Variants in EFS observed in about 807,000 individuals in gnomAD.
The protein encoded by EFS is embryonal Fyn-associated substrate.
In EFS, 34 loss-of-function variants were observed where a neutral mutation model predicts 42.2. The observed-to-expected ratio is 0.81, with a 90% CI of 0.61 to 1.07. The LOEUF is 1.07. EFS is among the 50% of genes least tolerant of loss of function. The probability of loss-of-function intolerance (pLI) is 0.00; values close to 1 mark genes in which losing one functional copy is unlikely to be tolerated. For missense variants in EFS, 717 were observed against 729.4 expected, an observed-to-expected ratio of 0.98 and a Z score of 0.20; for synonymous variants, 299 against 320.7, an observed-to-expected ratio of 0.93 and a Z score of 0.72.
At chr14:23,364,778 A>AG (rs1460345173) in intron 1 of EFS, among the ~76,000 whole-genome samples, 1 of 151,916 alleles carries the variant, frequency 6.6e-6, no homozygotes, top group Non-Finnish European at 1.5e-5. Context: ...AGGAAGAAAA[A>AG]GGAGAATGGG....
intron 5 of EFS, among the ~76,000 whole-genome samples, 183 bp downstream of exon 5, chr14:23,358,693 C>T (rs867115898): frequency 1.1e-4 from 17 of 152,234 alleles, no homozygotes; most frequent in Non-Finnish European, 2.2e-4. Flanking sequence ...TCCTAACATC[C>T]TCTTCCAAGG....
At chr14:23,359,048 AC>A in intron 4 of EFS, 83 bp from the exon 5 acceptor site, 3 of 1,302,658 alleles carry the variant, frequency 2.3e-6, no homozygotes, top group Middle Eastern at 2.2e-4. Context: ...CCTTCCCCGG[AC>A]CCCCTTCCTT....
chr14:23,360,527 T>C (rs376384847), intron 2 of EFS, 28 bp downstream of exon 2: 28 of 1,521,284 alleles, frequency 1.8e-5, no homozygotes, highest in Non-Finnish European at 2.4e-5. Context: ...CTCTTCTGGC[T>C]TGGGGTTGGG....
chr14:23,363,816 C>T (rs1459451404), intron 1 of EFS, among the ~76,000 whole-genome samples: 1 of 152,028 alleles, frequency 6.6e-6, no homozygotes, highest in Admixed American at 6.6e-5. Flanking sequence ...TGCTTGTAGT[C>T]CCAGCTACTC....
chr14:23,357,491 C>T lies in EFS; in HGVS notation c.1421G>A (p.Ser474Asn), dbSNP rs1889962114. Residue 474 changes from serine to asparagine, a missense_variant, in exon 6 of 6, where the codon AGC (serine) becomes AAC (asparagine). Ser to Asn is a conservative substitution (Grantham distance 46). Transcript: ENST00000216733. ...ATGAGCAGCCACCACCACCCTCTTG[C>T]TGTGGGGCACGAAAAGGCGCGGGGG... is the stretch of plus-strand genomic sequence containing the variant. ...NQPPRLFVPH[S>N]KRVVVAAHRL... 6.2e-7 allele frequency: 1 copy of T among 1,614,018 alleles called. No individual in the cohort carries two copies. Among genetic ancestry groups the T allele is most frequent in the Non-Finnish European group, 8.5e-7 (1 of 1,179,998 alleles).
chr14:23,360,103 T>C (rs1226691126), intron 3 of EFS, 38 bp downstream of exon 3: 1 of 1,614,072 alleles, frequency 6.2e-7, no homozygotes. Flanking sequence ...GGGCCATTTG[T>C]CTCCCACCCA....
intron 5 of EFS, among the ~76,000 whole-genome samples, chr14:23,358,399 T>C (rs1008233): frequency 0.15 from 23,134 of 152,256 alleles, 2,167 homozygotes; most frequent in African/African-American, 0.26. Context: ...AAATACCTGA[T>C]AAATGGTAGC....
chr14:23,360,271 A>G lies in EFS; in HGVS notation c.308T>C (p.Val103Ala). The change falls in exon 3 of 6, where the codon GTG (valine) becomes GCG (alanine). Residue 103 changes from valine (V) to alanine (A), a missense_variant. Transcript: ENST00000216733. ...TGGACAGGGCCGAGCTGGGGGCGGC[A>G]CCACATACACCTGAGGGATCAAATA... ...HSNEDQEVYV[V>A]PPPARPCPTS... The G allele has an allele frequency of 6.2e-7, 1 of 1,611,826 alleles. No individual in the cohort carries two copies. The highest frequency in any genetic ancestry group is 8.5e-7 in the Non-Finnish European group (1 of 1,178,902).
In EFS at chr14:23,359,845, C is replaced by T; in HGVS notation, c.633G>A (p.Glu211=). Residue 211 remains glutamate, a synonymous_variant, in exon 4 of 6, where the codon GAG becomes GAA. Transcript: ENST00000216733. ...EPDLEWEGGR[E]PGPPIYAAPS... is the part of the protein sequence containing the mutation. ...GGGCAGCATAGATGGGGGGCCCCGG[C>T]TCCCGGCCTCCTTCCCACTCCAGAT... 1 of 1,524,170 alleles carries T rather than the reference C, an allele frequency of 6.6e-7. No individual in the cohort carries two copies. Among genetic ancestry groups the T allele is most frequent in the Non-Finnish European group, 8.8e-7 (1 of 1,139,366 alleles). 94.4% of individuals were successfully genotyped at this position (1,524,170 alleles called of 1,614,324 possible). A position where few individuals can be genotyped will look rare whatever the true frequency, so the allele number is the denominator to read the frequency against.
rs369972669 is a variant in EFS at position 23,365,022 on chromosome 14, C to A, written c.4G>T (p.Ala2Ser). 4.3e-5 allele frequency: 58 copies of A among 1,339,602 alleles called. No homozygotes were observed. In the African/African-American group the frequency reaches 5.2e-4, roughly 12 times the overall value. 83.0% of individuals were successfully genotyped at this position (1,339,602 alleles called of 1,614,324 possible). A position where few individuals can be genotyped will look rare whatever the true frequency, so the allele number is the denominator to read the frequency against. Residue 2 changes from alanine (A) to serine (S), a missense_variant, in exon 1 of 6, where the codon GCC becomes TCC. Coordinates refer to ENST00000216733, the MANE Select transcript of EFS (RefSeq NM_005864.4). This position sits in a 1 kb window ranked among gnomAD's most constrained non-coding sequence, Gnocchi z 5.3. Reference protein sequence around the residue: MAIATSTQLARA... With the variant: MSIATSTQLARA... The stretch of plus-strand genomic sequence containing the variant: ...GGTGGACTCACCGACGTGGCAATGG[C>A]CATGGCTTTGGCCTCCCGCGCAGCC...
In EFS at chr14:23,357,381, G is replaced by A; in HGVS notation, c.1531C>T (p.Leu511=). The change falls in exon 6 of 6, where the codon CTG becomes TTG. Residue 511 remains leucine (L), a synonymous_variant. Transcript: ENST00000216733. ...RAQVRAAGTA[L]GQALRATVLA... Reference sequence around the variant, plus strand: ...ACAGTGGCCCGCAATGCCTGGCCCAGTGCTGTACCTGCAGCCCTGACCTGT... The same window carrying A: ...ACAGTGGCCCGCAATGCCTGGCCCAATGCTGTACCTGCAGCCCTGACCTGT... 4 of 1,610,278 alleles carry A rather than the reference G, an allele frequency of 2.5e-6. No homozygotes were observed. The highest frequency in any genetic ancestry group is 2.5e-6 in the Non-Finnish European group (3 of 1,177,352).
chr14:23,359,919 G>A lies in EFS; in HGVS notation c.559C>T (p.Pro187Ser). The A allele has an allele frequency of 6.5e-7, 1 of 1,548,848 alleles. No homozygotes were observed. Among genetic ancestry groups the A allele is most frequent in the Non-Finnish European group, 8.7e-7 (1 of 1,148,812 alleles). The change falls in exon 4 of 6, where the codon CCC (proline) becomes TCC (serine). Residue 187 changes from proline to serine, a missense_variant. Pro to Ser is a moderately conservative substitution (Grantham distance 74, BLOSUM62 -1). Coordinates refer to ENST00000216733, the MANE Select transcript of EFS (RefSeq NM_005864.4). ...APQPPGEDDA[P>S]YDVPLTPKPP... ...TTTGGGGTCAGAGGCACATCATAGG[G>A]AGCATCATCCTCTCCAGGGGGCTGC...
Position 23,359,908 on chromosome 14 carries a change from C to T in EFS, c.570G>A (p.Val190=). 6.5e-7 allele frequency: 1 copy of T among 1,539,032 alleles called. No individual in the cohort carries two copies. Among genetic ancestry groups the T allele is most frequent in the Non-Finnish European group, 8.7e-7 (1 of 1,144,710 alleles). ...PPGEDDAPYD[V]PLTPKPPAEL... is the part of the protein sequence containing the mutation. ...CTGCAGGTGGCTTTGGGGTCAGAGG[C>T]ACATCATAGGGAGCATCATCCTCTC... Residue 190 remains valine (V), a synonymous_variant, in exon 4 of 6, where the codon GTG becomes GTA. Coordinates refer to ENST00000216733, the MANE Select transcript of EFS (RefSeq NM_005864.4).
Position 23,359,802 on chromosome 14 carries a change from C to T in EFS, c.676G>A (p.Ala226Thr). 1 of 1,524,422 alleles carries T rather than the reference C, an allele frequency of 6.6e-7. No homozygotes were observed. Among genetic ancestry groups the T allele is most frequent in the Non-Finnish European group, 8.8e-7 (1 of 1,138,584 alleles). The allele number at this position is 1,524,422 out of a possible 1,614,324, so 94.4% of individuals were successfully genotyped here. A position where few individuals can be genotyped will look rare whatever the true frequency, so the allele number is the denominator to read the frequency against. The change falls in exon 4 of 6, where the codon GCG (alanine) becomes ACG (threonine). Residue 226 changes from alanine to threonine, a missense_variant. Ala to Thr is a moderately conservative substitution (Grantham distance 58). Transcript: ENST00000216733. ...IYAAPSNLKR[A>T]SALLNLYEAP... ...TCATACAAATTGAGTAAGGCTGACG[C>T]TCGTTTCAGGTTGGAGGGGGCAGCA...
Position 23,360,715 on chromosome 14 carries a change from C to A in EFS, c.137G>T (p.Trp46Leu). The A allele has an allele frequency of 6.2e-7, 1 of 1,613,730 alleles. No homozygotes were observed. The highest frequency in any genetic ancestry group is 2.2e-5 in the East Asian group (1 of 44,880). Residue 46 changes from tryptophan (W) to leucine (L), a missense_variant, in exon 2 of 6, where the codon TGG (tryptophan) becomes TTG (leucine). Trp to Leu is a moderately conservative substitution (Grantham distance 61, BLOSUM62 -2). Coordinates refer to ENST00000216733, the MANE Select transcript of EFS (RefSeq NM_005864.4). ...QREGAGGLDG[W>L]CLCSLHGQQG... The stretch of plus-strand genomic sequence containing the variant: ...CTGGCCGTGTAGGGAGCAGAGGCAC[C>A]AGCCGTCCAGTCCACCAGCGCCCTC...
chr14:23,361,459 G>A (rs943473968), intron 1 of EFS, among the ~76,000 whole-genome samples: 3 of 152,182 alleles, frequency 2.0e-5, no homozygotes, highest in Admixed American at 1.3e-4. Flanking sequence ...CAATTGTTTT[G>A]CTCTCAGTCT....
At position 23,360,206 on chromosome 14, in the gene EFS, C is replaced by T. The variant is rs373736212; in HGVS notation, c.373G>A (p.Asp125Asn). Residue 125 changes from aspartate (D) to asparagine (N), a missense_variant, in exon 3 of 6, where the codon GAC (aspartate) becomes AAC (asparagine). By Grantham distance (23) the Asp-to-Asn change is conservative. Transcript: ENST00000216733. ...GCTCTGGGGATTTTGTAGATGAGGT[C>T]AGGAGAGGGTGGGCAAGGTCCAGCT... ...PPAGPCPPSP[D>N]LIYKIPRASG... is the part of the protein sequence containing the mutation. 6.2e-7 allele frequency: 1 copy of T among 1,614,094 alleles called. No homozygotes were observed.
intron 5 of EFS, 50 bp from the exon 6 acceptor site, chr14:23,357,710 T>C (rs1368813258): frequency 7.0e-7 from 1 of 1,424,656 alleles, no homozygotes; most frequent in African/African-American, 1.4e-5. Flanking sequence ...GAGTGCCATT[T>C]CCTCCCTCAC....
At chr14:23,359,260 C>A in intron 4 of EFS, 57 bp downstream of exon 4, 1 of 1,609,768 alleles carries the variant, frequency 6.2e-7, no homozygotes, top group Non-Finnish European at 8.5e-7. Context: ...GGTCTCCACA[C>A]CCCTCCCCTT....
Sources: allele counts gnomAD v4.1 joint callset (sites outside exome capture counted in the v4.1 genomes callset), GRCh38; gene constraint gnomAD v4.1.1; non-coding constraint Gnocchi (gnomAD v3.1); transcripts MANE v1.5; gene names NCBI Gene and HGNC (gene_info 2026-07-23, HGNC 2026-07-21).